PTPRD: variants seen among roughly 807,000 people sequenced by gnomAD.
The protein encoded by PTPRD is receptor-type tyrosine-protein phosphatase delta.
PTPRD carries 34 observed loss-of-function variants against 214.5 expected under a neutral mutation model. That is an observed-to-expected ratio of 0.16 (90% CI 0.12 to 0.21). The LOEUF is 0.21. Ranked by LOEUF, PTPRD falls within the 10% of genes least tolerant of loss-of-function variation. The pLI, the probability that PTPRD is intolerant of heterozygous loss-of-function variation, is 1.00. For missense variants in PTPRD, 2,545 were observed against 2,398.7 expected, an observed-to-expected ratio of 1.06 and a Z score of -1.27; for synonymous variants, 1,128 against 845.7, an observed-to-expected ratio of 1.33 and a Z score of -5.79.
At chr9:8,764,071 G>C (rs2094562426) in intron 11 of PTPRD, among the ~76,000 whole-genome samples, 1 of 152,152 alleles carries the variant, frequency 6.6e-6, no homozygotes, top group Non-Finnish European at 1.5e-5. Context: ...ACTTCAAAAT[G>C]TGAAACCATT....
At chr9:9,217,557 C>A (rs1195616582) in intron 9 of PTPRD, among the ~76,000 whole-genome samples, 1 of 150,924 alleles carries the variant, frequency 6.6e-6, no homozygotes, top group African/African-American at 2.4e-5. Context: ...ATCCTTTATC[C>A]ATTCAGGACT....
At chr9:10,355,967 A>G (rs1313613804) in intron 2 of PTPRD, among the ~76,000 whole-genome samples, 1 of 152,168 alleles carries the variant, frequency 6.6e-6, no homozygotes, top group African/African-American at 2.4e-5. Flanking sequence ...GTACACTGAG[A>G]TGTACACTGG....
chr9:10,420,853 T>C (rs773106251), intron 2 of PTPRD, among the ~76,000 whole-genome samples: 27 of 151,940 alleles, frequency 1.8e-4, no homozygotes, highest in Non-Finnish European at 3.2e-4. Context: ...TTTTTATTCT[T>C]TATAAGTTAT....
chr9:8,523,120 G>A (rs2097922977), intron 19 of PTPRD, among the ~76,000 whole-genome samples: 1 of 152,120 alleles, frequency 6.6e-6, no homozygotes, highest in Admixed American at 6.6e-5. Context: ...AAAAATGGAG[G>A]AGAGTTTAGT....
intron 6 of PTPRD, among the ~76,000 whole-genome samples, chr9:9,745,914 T>C (rs1328751032): frequency 6.6e-6 from 1 of 152,126 alleles, no homozygotes; most frequent in Non-Finnish European, 1.5e-5. Flanking sequence ...TAGGCTTTAA[T>C]AATAAACACA....
intron 9 of PTPRD, among the ~76,000 whole-genome samples, chr9:9,208,417 T>C (rs1468929535): frequency 6.6e-6 from 1 of 151,976 alleles, no homozygotes; most frequent in East Asian, 1.9e-4. Flanking sequence ...ACAAAATAAA[T>C]AAATGAAAGT....
At chr9:10,283,550 G>A (rs2095231278) in intron 3 of PTPRD, among the ~76,000 whole-genome samples, 1 of 152,052 alleles carries the variant, frequency 6.6e-6, no homozygotes, top group Admixed American at 6.6e-5. Flanking sequence ...TATTGGTCTT[G>A]TGCATTTCTT....
At chr9:9,664,078 C>T (rs1347788673) in intron 7 of PTPRD, among the ~76,000 whole-genome samples, 3 of 124,088 alleles carry the variant, frequency 2.4e-5, no homozygotes, top group East Asian at 4.5e-4. Context: ...CAAACATTTA[C>T]ACTCCTGTGT....
At chr9:9,838,534 T>G (rs1162888947) in intron 5 of PTPRD, among the ~76,000 whole-genome samples, 1 of 152,190 alleles carries the variant, frequency 6.6e-6, no homozygotes, top group Non-Finnish European at 1.5e-5. Flanking sequence ...GGTGAGCATT[T>G]TTTCATGTGT....
At chr9:8,357,844 A>G (rs1439481485) in intron 39 of PTPRD, among the ~76,000 whole-genome samples, 1 of 152,100 alleles carries the variant, frequency 6.6e-6, no homozygotes, top group East Asian at 1.9e-4. Flanking sequence ...CCCACACTCA[A>G]CATTTACAAA....
intron 9 of PTPRD, among the ~76,000 whole-genome samples, chr9:9,269,831 A>G (rs2132693076): frequency 6.6e-6 from 1 of 151,464 alleles, no homozygotes; most frequent in African/African-American, 2.4e-5. Flanking sequence ...AGAGAGTAGA[A>G]GGATGGTAAC....
At chr9:8,461,151 G>A (rs1038854043) in intron 32 of PTPRD, among the ~76,000 whole-genome samples, 2 of 152,030 alleles carry the variant, frequency 1.3e-5, no homozygotes, top group Non-Finnish European at 2.9e-5. Context: ...GGAGGCCAAA[G>A]CATGAACAAA....
At chr9:10,189,045 AAAGTGTCTTCGCC>A (rs1412587217) in intron 3 of PTPRD, among the ~76,000 whole-genome samples, 6 of 152,040 alleles carry the variant, frequency 3.9e-5, no homozygotes, top group Non-Finnish European at 5.9e-5. Context: ...TGAGAAATAG[AAAGTGTCTTCGCC>A]AACTCTCTTA....
In PTPRD at chr9:10,285,856, G is replaced by A. The variant is rs371584835; in HGVS notation, c.-545+55107C>T. Among the ~76,000 whole-genome samples, 19 of 152,012 alleles carry A rather than the reference G, an allele frequency of 1.2e-4. No individual in the cohort carries two copies. In the East Asian group the frequency reaches 2.7e-3, roughly 22 times the overall value. ...GATCTCCTGACCTCGCGATCCGCCC[G>A]CCTCGGCCTCCCAAAGTGCTGGGAT... On this transcript the variant is annotated intron_variant, in intron 3 of 45. Transcript: ENST00000381196.
At chr9:10,019,401 A>G (rs1016739979) in intron 4 of PTPRD, among the ~76,000 whole-genome samples, 7 of 152,148 alleles carry the variant, frequency 4.6e-5, no homozygotes, top group Admixed American at 2.0e-4. Flanking sequence ...TAGAAATACC[A>G]TTTGACCCAG....
chr9:10,514,442 T>C (rs1026602003), intron 2 of PTPRD, among the ~76,000 whole-genome samples: 2 of 151,432 alleles, frequency 1.3e-5, no homozygotes, highest in African/African-American at 2.4e-5. Flanking sequence ...TAGTTTGTTA[T>C]AGACATATAT....
At chr9:9,671,691 T>C (rs1022576774) in intron 7 of PTPRD, among the ~76,000 whole-genome samples, 2 of 152,146 alleles carry the variant, frequency 1.3e-5, no homozygotes, top group Non-Finnish European at 2.9e-5. Context: ...TCTGATGGTT[T>C]CATAAGGGGT....
intron 3 of PTPRD, among the ~76,000 whole-genome samples, chr9:10,038,254 C>T (rs1289491429): frequency 1.3e-5 from 2 of 151,994 alleles, no homozygotes. Flanking sequence ...AACATTTTGC[C>T]CTTATCATTC....
At chr9:8,750,281 C>A (rs568863953) in intron 11 of PTPRD, among the ~76,000 whole-genome samples, 4 of 152,018 alleles carry the variant, frequency 2.6e-5, no homozygotes, top group Non-Finnish European at 5.9e-5. Flanking sequence ...CCTCAGCCTC[C>A]CAAGTAGCTG....
Sources: allele counts gnomAD v4.1 joint callset (sites outside exome capture counted in the v4.1 genomes callset), GRCh38; gene constraint gnomAD v4.1.1; transcripts MANE v1.5; gene names NCBI Gene and HGNC (gene_info 2026-07-23, HGNC 2026-07-21).